GNAQ: variants seen among roughly 807,000 people sequenced by gnomAD.
GNAQ encodes guanine nucleotide-binding protein G(q) subunit alpha.
GNAQ carries 8 observed loss-of-function variants against 43.9 expected under a neutral mutation model. That is an observed-to-expected ratio of 0.18 (90% confidence interval 0.11 to 0.33). GNAQ has a LOEUF of 0.33. GNAQ is among the 10% of genes least tolerant of loss of function. The pLI is 1.00. For missense variants in GNAQ, 158 were observed against 450.8 expected, an observed-to-expected ratio of 0.35 and a Z score of 5.88; for synonymous variants, 155 against 170.7, an observed-to-expected ratio of 0.91 and a Z score of 0.71.
chr9:77,749,573 T>C (rs928091452), intron 5 of GNAQ, among the ~76,000 whole-genome samples: 1 of 152,204 alleles, frequency 6.6e-6, no homozygotes, highest in Non-Finnish European at 1.5e-5. Flanking sequence ...CTCTAGTTGC[T>C]AATACTGGGA....
At chr9:77,922,369 C>T in intron 1 of GNAQ, 24 bp from the exon 2 acceptor site, 1 of 1,558,374 alleles carries the variant, frequency 6.4e-7, no homozygotes, top group Non-Finnish European at 8.8e-7. Flanking sequence ...AATAGCAGCT[C>T]ATCAGACCAC....
At chr9:77,872,085 C>T (rs766351883) in intron 2 of GNAQ, among the ~76,000 whole-genome samples, 4 of 152,142 alleles carry the variant, frequency 2.6e-5, no homozygotes, top group Non-Finnish European at 5.9e-5. Flanking sequence ...ATGGCAAATG[C>T]TATCATTTGT....
At chr9:77,848,672 G>A (rs551667652) in intron 2 of GNAQ, among the ~76,000 whole-genome samples, 1 of 152,336 alleles carries the variant, frequency 6.6e-6, no homozygotes, top group African/African-American at 2.4e-5. Context: ...GGTCTATCCA[G>A]GGAGCTGAGC....
intron 1 of GNAQ, among the ~76,000 whole-genome samples, chr9:78,001,345 A>T (rs570775627): frequency 4.4e-4 from 67 of 152,176 alleles, no homozygotes; most frequent in South Asian, 1.5e-3. Context: ...AGGCTGCAGT[A>T]AGCTGAGATC....
rs187590131 is a variant in GNAQ at position 77,895,920 on chromosome 9, G to A, written c.321+26241C>T. On this transcript the variant is annotated intron_variant, in intron 2 of 6. Transcript: ENST00000286548. Reference sequence around the variant, plus strand: ...TTTGCTTCTCCTTGCCTTCCGCCACGATTGTGAGGCCTCCCCAGTCACGTG... The same window carrying A: ...TTTGCTTCTCCTTGCCTTCCGCCACAATTGTGAGGCCTCCCCAGTCACGTG... Among the ~76,000 whole-genome samples, 290 of 152,190 alleles carry A rather than the reference G, an allele frequency of 1.9e-3. 2 individuals are homozygous for A. In the Middle Eastern group the frequency reaches 0.048, roughly 25 times the overall value.
At chr9:77,781,155 T>C (rs1483180289) in intron 5 of GNAQ, among the ~76,000 whole-genome samples, 1 of 152,078 alleles carries the variant, frequency 6.6e-6, no homozygotes, top group Admixed American at 6.5e-5. Flanking sequence ...TTTTGAAATC[T>C]TATTCAAAAA....
intron 5 of GNAQ, among the ~76,000 whole-genome samples, chr9:77,768,434 G>C (rs1826168056): frequency 6.6e-6 from 1 of 152,162 alleles, no homozygotes; most frequent in South Asian, 2.1e-4. Context: ...ATTCAACTCA[G>C]AGACAGGAAT....
At chr9:77,954,126 C>A (rs184143412) in intron 1 of GNAQ, among the ~76,000 whole-genome samples, 48 of 152,310 alleles carry the variant, frequency 3.2e-4, no homozygotes, top group African/African-American at 1.2e-3. Flanking sequence ...AGTCCAATTT[C>A]ACCCTTTGCA....
At chr9:77,908,885 C>T in intron 2 of GNAQ, among the ~76,000 whole-genome samples, 1 of 152,248 alleles carries the variant, frequency 6.6e-6, no homozygotes, top group Non-Finnish European at 1.5e-5. Flanking sequence ...TAATGAGAGC[C>T]TCACATGATT....
At chr9:78,030,945 CGCGCGGGT>C (rs989938762) in intron 1 of GNAQ, among the ~76,000 whole-genome samples, 147 bp downstream of exon 1, 1 of 151,532 alleles carries the variant, frequency 6.6e-6, no homozygotes, top group African/African-American at 2.4e-5. Context: ...CCCGCGCGCC[CGCGCGGGT>C]GAAGGCAGTG....
intron 1 of GNAQ, among the ~76,000 whole-genome samples, chr9:77,979,095 C>T (rs1477543258): frequency 6.6e-6 from 1 of 152,032 alleles, no homozygotes; most frequent in Non-Finnish European, 1.5e-5. Flanking sequence ...GTGGCTCATG[C>T]CTGTAATTCC....
At chr9:77,845,793 G>T (rs1407064496) in intron 2 of GNAQ, among the ~76,000 whole-genome samples, 1 of 152,210 alleles carries the variant, frequency 6.6e-6, no homozygotes, top group African/African-American at 2.4e-5. Flanking sequence ...TTGAAGAAAG[G>T]GTGGTATCTT....
At chr9:77,870,499 T>C (rs538570060) in intron 2 of GNAQ, among the ~76,000 whole-genome samples, 1 of 152,040 alleles carries the variant, frequency 6.6e-6, no homozygotes, top group South Asian at 2.1e-4. Context: ...GCTAATTTTT[T>C]GTATTTTTAG....
chr9:77,807,096 G>A (rs1391074522), intron 3 of GNAQ, among the ~76,000 whole-genome samples: 4 of 152,198 alleles, frequency 2.6e-5, no homozygotes, highest in Non-Finnish European at 4.4e-5. Context: ...ATGAGTTAAC[G>A]TAAACTAATT....
intron 1 of GNAQ, among the ~76,000 whole-genome samples, chr9:78,012,386 C>T (rs953334218): frequency 6.6e-6 from 1 of 151,786 alleles, no homozygotes; most frequent in Admixed American, 6.6e-5. Flanking sequence ...TACAGGTGCG[C>T]GCCATACAGA....
intron 1 of GNAQ, among the ~76,000 whole-genome samples, chr9:77,995,469 T>A (rs985909715): frequency 1.3e-5 from 2 of 151,920 alleles, no homozygotes; most frequent in African/African-American, 2.4e-5. Context: ...GGTGAGAGGG[T>A]GAGGGCAGAA....
intron 1 of GNAQ, among the ~76,000 whole-genome samples, chr9:77,965,682 AGACT>A (rs1257869726): frequency 1.3e-5 from 2 of 152,182 alleles, no homozygotes; most frequent in African/African-American, 4.8e-5. Flanking sequence ...TTTTTTTAAA[AGACT>A]GACTATACCA....
intron 1 of GNAQ, among the ~76,000 whole-genome samples, chr9:77,996,555 G>A (rs1335752242): frequency 6.6e-6 from 1 of 151,836 alleles, no homozygotes; most frequent in South Asian, 2.1e-4. Context: ...GCACAGGCCT[G>A]TAATCCCAGG....
At chr9:77,844,622 TG>T (rs945906827) in intron 2 of GNAQ, among the ~76,000 whole-genome samples, 10 of 152,178 alleles carry the variant, frequency 6.6e-5, no homozygotes, top group African/African-American at 2.4e-4. Flanking sequence ...TGTGTGTCCT[TG>T]AGAAAATTAT....
Sources: gnomAD v4.1 joint callset for allele counts (sites outside exome capture counted in the v4.1 genomes callset) on GRCh38, gnomAD v4.1.1 for gene constraint, MANE v1.5 for transcripts, NCBI Gene and HGNC (gene_info 2026-07-23, HGNC 2026-07-21) for gene names.